Variants in BPHL observed in about 807,000 individuals in gnomAD.
The protein encoded by BPHL is serine hydrolase BPHL.
In BPHL, 27 loss-of-function variants were observed where a neutral mutation model predicts 31.2. The ratio of observed to expected loss-of-function variants is 0.87; its 90% CI spans 0.64 to 1.19. The LOEUF is 1.19. BPHL is among the 50% of genes most tolerant of loss of function. The pLI is 0.00. For missense variants in BPHL, 356 were observed against 375.7 expected (o/e 0.95, Z 0.43); for synonymous variants, 150 against 146.8 (o/e 1.02, Z -0.16).
chr6:3,134,083 CTG>C (rs1212933008), intron 4 of BPHL, among the ~76,000 whole-genome samples: 2 of 152,174 alleles, frequency 1.3e-5, no homozygotes, highest in African/African-American at 4.8e-5. Context: ...GATTGAAAAT[CTG>C]TGTTTATCCA....
chr6:3,130,861 C>A (rs774278362), intron 4 of BPHL, among the ~76,000 whole-genome samples: 3 of 152,120 alleles, frequency 2.0e-5, no homozygotes, highest in Non-Finnish European at 2.9e-5. Flanking sequence ...GAATATGAAG[C>A]TCTTACGGTG....
intron 1 of BPHL, 49 bp downstream of exon 1, chr6:3,118,896 A>C (rs1761470232): frequency 8.2e-7 from 1 of 1,219,566 alleles, no homozygotes; most frequent in Non-Finnish European, 1.0e-6. Flanking sequence ...GGCGCGCTCG[A>C]GGGGCGGCGG....
chr6:3,150,667 G>T (rs1418201826), intron 6 of BPHL, among the ~76,000 whole-genome samples: 1 of 152,178 alleles, frequency 6.6e-6, no homozygotes, highest in Admixed American at 6.5e-5. Flanking sequence ...TGTTACTTGG[G>T]TGAGAATCTA....
chr6:3,144,791 A>G (rs1012006872), intron 6 of BPHL, among the ~76,000 whole-genome samples: 1 of 152,168 alleles, frequency 6.6e-6, no homozygotes, highest in Admixed American at 6.5e-5. Context: ...GCATCTGAAC[A>G]TGCTCAGTGC....
At chr6:3,131,496 C>T (rs1205458369) in intron 4 of BPHL, among the ~76,000 whole-genome samples, 2 of 152,176 alleles carry the variant, frequency 1.3e-5, no homozygotes, top group African/African-American at 4.8e-5. Flanking sequence ...CTTCTTTCCC[C>T]ACATTCTCCT....
upstream of BPHL, chr6:3,118,453 G>T (rs1459317747): frequency 1.3e-5 from 4 of 300,760 alleles, no homozygotes; most frequent in Non-Finnish European, 2.4e-5. Context: ...GCGAGGGCGG[G>T]GCAGCGCCGA....
intron 3 of BPHL, 37 bp downstream of exon 3, chr6:3,127,445 G>T: frequency 6.8e-7 from 1 of 1,467,354 alleles, no homozygotes; most frequent in Non-Finnish European, 9.2e-7. Flanking sequence ...GAGGAAGGGT[G>T]GCTGGGCCTG....
chr6:3,133,613 C>G (rs1258883554), intron 4 of BPHL, among the ~76,000 whole-genome samples: 1 of 152,098 alleles, frequency 6.6e-6, no homozygotes, highest in Non-Finnish European at 1.5e-5. Context: ...GTGGCGGGCT[C>G]CTGCCTCCTT....
intron 6 of BPHL, among the ~76,000 whole-genome samples, chr6:3,146,195 T>A (rs1373796837): frequency 2.6e-5 from 1 of 38,940 alleles, no homozygotes; most frequent in Non-Finnish European, 4.7e-5. Flanking sequence ...GAGTGCTGGT[T>A]CGGGGTGGAG....
intron 4 of BPHL, among the ~76,000 whole-genome samples, chr6:3,134,603 A>ATTTTT (rs556567574): frequency 7.8e-5 from 10 of 127,624 alleles, no homozygotes; most frequent in Non-Finnish European, 1.3e-4. Flanking sequence ...CACCTGGCTA[A>ATTTTT]TTTTTTTTTT....
At chr6:3,119,101 C>CTA (rs3830792) in intron 1 of BPHL, among the ~76,000 whole-genome samples, 6,498 of 152,282 alleles carry the variant, frequency 0.043, 261 homozygotes, top group African/African-American at 0.1. Flanking sequence ...GAGGCTTGGG[C>CTA]TATAGAGTGC....
At chr6:3,141,032 C>T (rs1410278219) in intron 6 of BPHL, among the ~76,000 whole-genome samples, 2 of 152,228 alleles carry the variant, frequency 1.3e-5, no homozygotes, top group Non-Finnish European at 2.9e-5. Context: ...CCACTGCTCC[C>T]TTCTCGCTCT....
At chr6:3,151,091 A>G (rs896712266) in intron 6 of BPHL, among the ~76,000 whole-genome samples, 1 of 152,330 alleles carries the variant, frequency 6.6e-6, no homozygotes, top group African/African-American at 2.4e-5. Context: ...TGGACTGTCT[A>G]CAGAGAAAGA....
intron 1 of BPHL, among the ~76,000 whole-genome samples, chr6:3,120,167 T>C (rs900724844): frequency 6.6e-6 from 1 of 152,154 alleles, no homozygotes; most frequent in Non-Finnish European, 1.5e-5. Context: ...CCCGAGTAGC[T>C]GGGATTACAG....
At chr6:3,132,525 G>T (rs1379247822) in intron 4 of BPHL, among the ~76,000 whole-genome samples, 3 of 151,234 alleles carry the variant, frequency 2.0e-5, no homozygotes, top group Admixed American at 6.6e-5. Flanking sequence ...TTCGACTGTT[G>T]TTTTTTTTTA....
At chr6:3,144,382 T>G (rs1049895949) in intron 6 of BPHL, among the ~76,000 whole-genome samples, 8 of 49,268 alleles carry the variant, frequency 1.6e-4, no homozygotes, top group East Asian at 1.6e-3. Context: ...CTTTTTTTTT[T>G]TTTTTTTTGT....
Position 3,123,673 on chromosome 6 carries a change from G to T in BPHL, c.124G>T (p.Ala42Ser), listed in dbSNP as rs1220380211. 1 of 1,613,524 alleles carries T rather than the reference G, an allele frequency of 6.2e-7. No homozygotes were observed. Among genetic ancestry groups the T allele is most frequent in the Non-Finnish European group, 8.5e-7 (1 of 1,179,682 alleles). Residue 42 changes from alanine (A) to serine (S), a missense_variant, in exon 2 of 7, where the codon GCC (alanine) becomes TCC (serine). Coordinates refer to ENST00000380379, the MANE Select transcript of BPHL (RefSeq NM_004332.4). ...AAAFGTSVTS[A>S]KVAVNGVQLH... ...CTCTTCTAGCACCTCGGTAACCTCTGCCAAAGTGGCTGTGAATGGCGTTCA... is the reference window on the plus strand; with the variant it reads ...CTCTTCTAGCACCTCGGTAACCTCTTCCAAAGTGGCTGTGAATGGCGTTCA...
intron 6 of BPHL, among the ~76,000 whole-genome samples, chr6:3,141,461 A>G (rs1180794524): frequency 3.3e-5 from 5 of 152,154 alleles, no homozygotes; most frequent in Non-Finnish European, 7.3e-5. Context: ...TCCGCCTCCC[A>G]GGTTCAAGCG....
chr6:3,119,861 C>G (rs1581456365), intron 1 of BPHL, among the ~76,000 whole-genome samples: 1 of 152,258 alleles, frequency 6.6e-6, no homozygotes, highest in East Asian at 1.9e-4. Context: ...TTTCATATTG[C>G]AATTGACTAG....
Sources: gnomAD v4.1 joint callset for allele counts (sites outside exome capture counted in the v4.1 genomes callset) on GRCh38, gnomAD v4.1.1 for gene constraint, MANE v1.5 for transcripts, NCBI Gene and HGNC (gene_info 2026-07-23, HGNC 2026-07-21) for gene names.